The following ITGA5 variants were observed in gnomAD, a reference collection of about 807,000 sequenced individuals.
ITGA5 encodes integrin subunit alpha 5.
Under a neutral mutation model 146.3 loss-of-function variants are expected in ITGA5, and 55 were observed. The ratio of observed to expected loss-of-function variants is 0.38; its 90% CI spans 0.30 to 0.47. The LOEUF (loss-of-function observed/expected upper bound fraction) is 0.47. ITGA5 is among the 20% of genes least tolerant of loss of function. The pLI, the probability that ITGA5 is intolerant of heterozygous loss-of-function variation, is 0.99. For missense variants in ITGA5, 1,131 were observed against 1,329.0 expected (o/e 0.85, Z 2.32); for synonymous variants, 500 against 531.8 (o/e 0.94, Z 0.82).
At position 54,400,257 on chromosome 12, in the gene ITGA5, A is replaced by G. The variant is rs920763378; in HGVS notation, c.2644-310T>C. ...GAGTCTTATAGACAGGTTCAACCTT[A>G]TCTTTCAGGCCTCAGTTCAGCTGTG... is the stretch of plus-strand genomic sequence containing the variant. On this transcript the variant is annotated intron_variant, in intron 25 of 29. Coordinates refer to ENST00000293379, the MANE Select transcript of ITGA5 (RefSeq NM_002205.5). 8 of 344,266 alleles carry G rather than the reference A, an allele frequency of 2.3e-5. No homozygotes were observed. The Admixed American group carries it at 3.1e-4, about 13-fold the overall frequency. 21.3% of individuals were successfully genotyped at this position (344,266 alleles called of 1,614,324 possible).
In ITGA5 at chr12:54,409,262, G is replaced by A. The variant is rs1392186563; in HGVS notation, c.553C>T (p.Arg185Ter). 6.2e-7 allele frequency: 1 copy of A among 1,613,884 alleles called. No homozygotes were observed. The highest frequency in any genetic ancestry group is 2.2e-5 in the East Asian group (1 of 44,884). Residue 185 changes from arginine to a stop codon, truncating the protein, a stop_gained, in exon 4 of 30, where the codon CGA (arginine) becomes TGA (stop). Coordinates refer to ENST00000293379, the MANE Select transcript of ITGA5 (RefSeq NM_002205.5). LOFTEE classifies it high-confidence loss of function. The surrounding 1 kb of genome is among the most constrained non-coding windows in gnomAD (Gnocchi z 4.7). ...CGGCAGGGTGCATACTCCAGAATTC[G>A]GGTGAAGTTATCTGTGGAGAGGTAG... ...TCYLSTDNFT[R>*]ILEYAPCRSD...
chr12:54,411,523 A>G (rs1289995002), intron 2 of ITGA5, among the ~76,000 whole-genome samples: 1 of 152,238 alleles, frequency 6.6e-6, no homozygotes, highest in Non-Finnish European at 1.5e-5. Context: ...AAAGGAACTG[A>G]ATAGTTTGTG....
Position 54,401,949 on chromosome 12 carries a change from C to G in ITGA5, c.2226+52G>C. On this transcript the variant is annotated intron_variant, in intron 21 of 29. Coordinates refer to ENST00000293379, the MANE Select transcript of ITGA5 (RefSeq NM_002205.5). This position sits in a 1 kb window ranked among gnomAD's most constrained non-coding sequence, Gnocchi z 5.0. ...GCTGTGCTCTCGGCTGGCTGGTTAC[C>G]GCCCTCAGGTCTGCTCTCCCTCTGT... is the stretch of plus-strand genomic sequence containing the variant. 1 of 1,600,116 alleles carries G rather than the reference C, an allele frequency of 6.2e-7. No homozygotes were observed. The highest frequency in any genetic ancestry group is 8.6e-7 in the Non-Finnish European group (1 of 1,167,544).
At position 54,408,178 on chromosome 12, in the gene ITGA5, A is replaced by G; in HGVS notation, c.749T>C (p.Leu250Pro). 2 of 1,614,166 alleles carry G rather than the reference A, an allele frequency of 1.2e-6. No homozygotes were observed. Among genetic ancestry groups the G allele is most frequent in the Non-Finnish European group, 1.7e-6 (2 of 1,180,012 alleles). ...QIAESYYPEY[L>P]INLVQGQLQT... is the part of the protein sequence containing the mutation. ...CAGCTGCCCCTGAACCAGGTTGATC[A>G]GGTACTCGGGGTAATAAGATTCTGC... Residue 250 changes from leucine to proline, a missense_variant, in exon 7 of 30, where the codon CTG becomes CCG. By Grantham distance (98) the Leu-to-Pro change is moderately conservative (BLOSUM62 -3). Coordinates refer to ENST00000293379, the MANE Select transcript of ITGA5 (RefSeq NM_002205.5).
At position 54,409,029 on chromosome 12, in the gene ITGA5, A is replaced by G. The variant is rs1192797306; in HGVS notation, c.584-75T>C. The G allele has an allele frequency of 2.2e-5, 33 of 1,489,472 alleles. No individual in the cohort carries two copies. Among genetic ancestry groups the G allele is most frequent in the Non-Finnish European group, 3.0e-5 (32 of 1,072,354 alleles). The allele number at this position is 1,489,472 out of a possible 1,614,324, so 92.3% of individuals were successfully genotyped here. On this transcript the variant is annotated intron_variant, in intron 4 of 29. Transcript: ENST00000293379. This position sits in a 1 kb window ranked among gnomAD's most constrained non-coding sequence, Gnocchi z 4.7. Reference sequence around the variant, plus strand: ...CAGGAAAGAAGAGAGGGCATAGGGAAGGAGGTGGGAGAGAGAACCAGAGAA... The same window carrying G: ...CAGGAAAGAAGAGAGGGCATAGGGAGGGAGGTGGGAGAGAGAACCAGAGAA...
In ITGA5 at chr12:54,401,623, C is replaced by T. The variant is rs557106320; in HGVS notation, c.2349G>A (p.Arg783=). Residue 783 remains arginine, a synonymous_variant, in exon 23 of 30, where the codon CGG becomes CGA. Transcript: ENST00000293379. This position sits in a 1 kb window ranked among gnomAD's most constrained non-coding sequence, Gnocchi z 5.0. The stretch of plus-strand genomic sequence containing the variant: ...CCTGGGCCTGAGCCTCCACGGAGAG[C>T]CGAAAGGAAACCACGTCGCTTTGCG... The part of the protein sequence containing the change: ...NNSQSDVVSF[R]LSVEAQAQVT... 1.3e-4 allele frequency: 210 copies of T among 1,614,170 alleles called. 2 individuals carry two copies. The South Asian group carries it at 2.1e-3, about 16-fold the overall frequency.
rs1428509727 is a variant in ITGA5 at position 54,398,833 on chromosome 12, C to CTTT, written c.2842-136_2842-135insAAA. 4.6e-4 allele frequency: 181 copies of CTTT among 390,916 alleles called. 3 individuals are homozygous for CTTT. Among genetic ancestry groups the CTTT allele is most frequent in the African/African-American group, 2.5e-3 (98 of 39,218 alleles). 24.2% of individuals were successfully genotyped at this position (390,916 alleles called of 1,614,324 possible). A position where few individuals can be genotyped will look rare whatever the true frequency, so the allele number is the denominator to read the frequency against. Reference sequence around the variant, plus strand: ...TTCCTGAGTCTCTCTCTCTCTCTCTCTCTTTTTTTTTTTTTTTTTTTTTTG... The same window carrying CTTT: ...TTCCTGAGTCTCTCTCTCTCTCTCTCTTTTCTTTTTTTTTTTTTTTTTTTTTTG... On this transcript the variant is annotated intron_variant, in intron 27 of 29. Coordinates refer to ENST00000293379, the MANE Select transcript of ITGA5 (RefSeq NM_002205.5).
chr12:54,406,235 T>C (rs1477166927), intron 9 of ITGA5: 1 of 447,572 alleles, frequency 2.2e-6, no homozygotes, highest in Non-Finnish European at 4.1e-6. Flanking sequence ...TTTTGTTCTT[T>C]GCTTTCTCCT....
Position 54,409,219 on chromosome 12 carries a change from C to G in ITGA5, c.583+13G>C, listed in dbSNP as rs760167926. 2.1e-5 allele frequency: 34 copies of G among 1,605,480 alleles called. No individual in the cohort carries two copies. The highest frequency in any genetic ancestry group is 1.7e-4 in the Middle Eastern group (1 of 6,040). On this transcript the variant is annotated intron_variant, in intron 4 of 29. Transcript: ENST00000293379. The surrounding 1 kb of genome is among the most constrained non-coding windows in gnomAD (Gnocchi z 4.7). ...AAGGCAGACATGGGGCACAGGCCCC[C>G]TCTTGCCCCTACCTGAGCGGCAGGG... is the stretch of plus-strand genomic sequence containing the variant.
rs1161906165 is a variant in ITGA5, at chr12:54,408,743, A to G, written c.691+13T>C. The G allele has an allele frequency of 6.5e-7, 1 of 1,548,298 alleles. No homozygotes were observed. The highest frequency in any genetic ancestry group is 1.7e-5 in the Admixed American group (1 of 59,692). ...AAAAAAAAAAAAAAAAGAATGGCAG[A>G]GACAGGACTTACCTTGCCAGAAATA... On this transcript the variant is annotated intron_variant, in intron 6 of 29. Coordinates refer to ENST00000293379, the MANE Select transcript of ITGA5 (RefSeq NM_002205.5).
At position 54,398,200 on chromosome 12, in the gene ITGA5, A is replaced by T. The variant is rs1955737764; in HGVS notation, c.2943+397T>A. Among the ~76,000 whole-genome samples, 4 of 152,088 alleles carry T rather than the reference A, an allele frequency of 2.6e-5. No homozygotes were observed. The South Asian group carries it at 6.2e-4, about 24-fold the overall frequency. The stretch of plus-strand genomic sequence containing the variant: ...GGTGTGAGCCACTGCGCTCAGCCTC[A>T]TATCTGTTATTCACCTCTCCCCAGG... On this transcript the variant is annotated intron_variant, in intron 28 of 29. Transcript: ENST00000293379.
Position 54,395,505 on chromosome 12 carries a change from T to A in ITGA5, c.*788A>T, listed in dbSNP as rs1224135015. 6.6e-6 allele frequency: 1 copy of A among 152,640 alleles called. No homozygotes were observed. The highest frequency in any genetic ancestry group is 1.5e-5 in the Non-Finnish European group (1 of 68,034). 9.5% of individuals were successfully genotyped at this position (152,640 alleles called of 1,614,324 possible). On this transcript the variant is annotated 3_prime_UTR_variant, in exon 30 of 30. Coordinates refer to ENST00000293379, the MANE Select transcript of ITGA5 (RefSeq NM_002205.5). Reference sequence around the variant, plus strand: ...TGAGGTTCCAGATCTGTTGCCATCATGGCCCCTTCAGGGTCCTGGGAAATT... The same window carrying A: ...TGAGGTTCCAGATCTGTTGCCATCAAGGCCCCTTCAGGGTCCTGGGAAATT...
intron 1 of ITGA5, 63 bp from the exon 2 acceptor site, chr12:54,412,027 C>T: frequency 7.0e-7 from 1 of 1,421,828 alleles, no homozygotes; most frequent in Non-Finnish European, 9.4e-7. Flanking sequence ...TGTCTGGAGG[C>T]AGGAAGGACC....
chr12:54,402,453 T>C (rs1426609906), intron 19 of ITGA5, 123 bp from the exon 20 acceptor site: 2 of 861,506 alleles, frequency 2.3e-6, no homozygotes, highest in East Asian at 2.5e-5. Flanking sequence ...TCCCAGCACT[T>C]TGGGAGGCTG....
At chr12:54,417,621 C>A (rs1231301562) in intron 1 of ITGA5, among the ~76,000 whole-genome samples, 2 of 152,082 alleles carry the variant, frequency 1.3e-5, no homozygotes, top group African/African-American at 4.8e-5. Flanking sequence ...TAGATTAACC[C>A]CTTTTCTCCA....
intron 1 of ITGA5, among the ~76,000 whole-genome samples, chr12:54,418,222 C>T (rs947131952): frequency 3.3e-5 from 5 of 152,034 alleles, no homozygotes; most frequent in Middle Eastern, 3.4e-3. Flanking sequence ...CACGCGCGCA[C>T]ACACCCCTCC....
rs1445150670 is a variant in ITGA5 at position 54,395,883 on chromosome 12, G to C, written c.*410C>G. The C allele has an allele frequency of 6.0e-6, 1 of 166,330 alleles. No individual in the cohort carries two copies. The highest frequency in any genetic ancestry group is 2.4e-5 in the African/African-American group (1 of 41,558). 10.3% of individuals were successfully genotyped at this position (166,330 alleles called of 1,614,324 possible). ...AGCTGGGGGCTTCTTTTGGATCTCT[G>C]GCAAGGCTGAGGACAGATCTTTGCA... is the stretch of plus-strand genomic sequence containing the variant. On this transcript the variant is annotated 3_prime_UTR_variant, in exon 30 of 30. Coordinates refer to ENST00000293379, the MANE Select transcript of ITGA5 (RefSeq NM_002205.5).
chr12:54,404,682 G>A (rs1294200475), intron 13 of ITGA5, 21 bp downstream of exon 13: 1 of 1,606,140 alleles, frequency 6.2e-7, no homozygotes, highest in South Asian at 1.1e-5. Context: ...AAGGTGAAAA[G>A]GGGCCTCAGG....
intron 7 of ITGA5, 60 bp from the exon 8 acceptor site, chr12:54,407,936 C>T (rs1313959551): frequency 1.3e-5 from 20 of 1,538,558 alleles, no homozygotes; most frequent in Admixed American, 1.9e-5. Context: ...CTGCTCTGGC[C>T]TATCCACCAA....
Sources: allele counts gnomAD v4.1 joint callset (sites outside exome capture counted in the v4.1 genomes callset), GRCh38; gene constraint gnomAD v4.1.1; non-coding constraint Gnocchi (gnomAD v3.1); transcripts MANE v1.5; gene names NCBI Gene and HGNC (gene_info 2026-07-23, HGNC 2026-07-21).